Variants in STON2 observed in about 807,000 individuals in gnomAD.
STON2 encodes stonin-2.
A neutral mutation model predicts 65.7 loss-of-function variants in STON2; 29 were observed. The ratio of observed to expected loss-of-function variants is 0.44; its 90% CI spans 0.33 to 0.60. STON2 has a LOEUF of 0.60. STON2 is among the 20% of genes least tolerant of loss of function. The pLI is 0.03. For missense variants in STON2, 1,054 were observed against 1,118.1 expected (o/e 0.94, Z 0.82); for synonymous variants, 404 against 414.2 (o/e 0.98, Z 0.30).
At chr14:81,430,842 T>A (rs1902198249) in intron 1 of STON2, among the ~76,000 whole-genome samples, 1 of 152,318 alleles carries the variant, frequency 6.6e-6, no homozygotes, top group South Asian at 2.1e-4. Context: ...TGGGTAAATG[T>A]TATCCAGTGG....
intron 5 of STON2, among the ~76,000 whole-genome samples, chr14:81,310,901 C>T (rs999574580): frequency 2.0e-5 from 3 of 152,120 alleles, no homozygotes; most frequent in East Asian, 1.9e-4. Context: ...ATGCAAAGGC[C>T]TTTGACTTTT....
chr14:81,267,270 A>C lies in STON2; in HGVS notation c.*1144T>G. 2 of 985,412 alleles carry C rather than the reference A, an allele frequency of 2.0e-6. No individual in the cohort carries two copies. Among genetic ancestry groups the C allele is most frequent in the Non-Finnish European group, 2.4e-6 (2 of 829,936 alleles). The allele number at this position is 985,412 out of a possible 1,614,324, so 61.0% of individuals were successfully genotyped here. On this transcript the variant is annotated 3_prime_UTR_variant, in exon 8 of 8. Transcript: ENST00000614646. ...TTCTGACTCTTGGAATCAGAATATAATGTTCCCAACATTAGAAAAATATGG... is the reference window on the plus strand; with the variant it reads ...TTCTGACTCTTGGAATCAGAATATACTGTTCCCAACATTAGAAAAATATGG...
At chr14:81,327,343 A>G (rs112389879) in intron 4 of STON2, among the ~76,000 whole-genome samples, 4 of 152,124 alleles carry the variant, frequency 2.6e-5, no homozygotes, top group African/African-American at 9.6e-5. Context: ...CTTGCAATTT[A>G]CTTCTTGAAG....
intron 4 of STON2, among the ~76,000 whole-genome samples, chr14:81,364,610 G>A (rs945141475): frequency 4.6e-5 from 7 of 152,136 alleles, no homozygotes; most frequent in African/African-American, 1.7e-4. Flanking sequence ...GTATGTGTGT[G>A]TATACATATA....
At chr14:81,433,907 T>C (rs1226955631) in intron 1 of STON2, among the ~76,000 whole-genome samples, 4 of 152,214 alleles carry the variant, frequency 2.6e-5, no homozygotes, top group African/African-American at 7.2e-5. Context: ...AACAGTCCTT[T>C]TGATCACTTC....
At chr14:81,332,976 G>A (rs905036892) in intron 4 of STON2, 2 of 482,152 alleles carry the variant, frequency 4.1e-6, no homozygotes, top group Admixed American at 3.0e-5. Flanking sequence ...TCTTTTTAGC[G>A]ACACCAACTT....
chr14:81,303,039 G>A (rs1466497740), intron 5 of STON2, among the ~76,000 whole-genome samples: 1 of 147,430 alleles, frequency 6.8e-6, no homozygotes, highest in Non-Finnish European at 1.5e-5. Context: ...GGAGTTCAGT[G>A]AGGGTGTACA....
chr14:81,346,531 T>C (rs1464501488), intron 4 of STON2, among the ~76,000 whole-genome samples: 1 of 151,998 alleles, frequency 6.6e-6, no homozygotes, highest in East Asian at 1.9e-4. Context: ...AATTTGTTGT[T>C]AAGAAAAAAA....
chr14:81,315,614 C>A (rs1423407843), intron 5 of STON2, among the ~76,000 whole-genome samples: 1 of 152,274 alleles, frequency 6.6e-6, no homozygotes, highest in Non-Finnish European at 1.5e-5. Flanking sequence ...CCTCCTGCTC[C>A]CGCAGAGAAC....
chr14:81,415,785 G>A (rs1165063132), intron 2 of STON2, among the ~76,000 whole-genome samples: 3 of 151,560 alleles, frequency 2.0e-5, no homozygotes, highest in East Asian at 1.9e-4. Flanking sequence ...GTTTTAATTT[G>A]GTCCAATCAG....
chr14:81,430,546 G>C (rs761961050), intron 1 of STON2, among the ~76,000 whole-genome samples: 1 of 152,186 alleles, frequency 6.6e-6, no homozygotes, highest in Non-Finnish European at 1.5e-5. Flanking sequence ...GTCCAAGTTA[G>C]TAGGCAGCCA....
chr14:81,322,726 C>G (rs1000365727), intron 5 of STON2, among the ~76,000 whole-genome samples: 1 of 152,202 alleles, frequency 6.6e-6, no homozygotes, highest in South Asian at 2.1e-4. Context: ...CCAACTCATA[C>G]CCTCACTCAC....
intron 4 of STON2, among the ~76,000 whole-genome samples, chr14:81,325,796 T>C (rs942929970): frequency 6.6e-6 from 1 of 152,162 alleles, no homozygotes; most frequent in Non-Finnish European, 1.5e-5. Context: ...AAATACTGGA[T>C]TACCACTTTA....
chr14:81,390,380 C>G (rs1053786401), intron 3 of STON2, among the ~76,000 whole-genome samples: 18 of 152,102 alleles, frequency 1.2e-4, no homozygotes, highest in African/African-American at 4.3e-4. Flanking sequence ...CCACACCTAG[C>G]AGAACTATAC....
At chr14:81,392,228 G>C (rs1900112094) in intron 3 of STON2, among the ~76,000 whole-genome samples, 1 of 152,176 alleles carries the variant, frequency 6.6e-6, no homozygotes, top group Admixed American at 6.5e-5. Flanking sequence ...GGGGTTCCCA[G>C]AAAAACTCCA....
chr14:81,267,396 T>G lies in STON2; in HGVS notation c.*1018A>C. On this transcript the variant is annotated 3_prime_UTR_variant, in exon 8 of 8. Transcript: ENST00000614646. ...GGGAAAGCTCATTCAAGCTTAATTT[T>G]AAAACAGCTTTAAAAATTATCTTTG... 1.1e-5 allele frequency: 11 copies of G among 985,444 alleles called. No homozygotes were observed. The highest frequency in any genetic ancestry group is 1.3e-5 in the Non-Finnish European group (11 of 829,932). 61.0% of individuals were successfully genotyped at this position (985,444 alleles called of 1,614,324 possible).
chr14:81,277,282 A>T lies in STON2; in HGVS notation c.2200T>A (p.Phe734Ile), dbSNP rs376519843. The T allele has an allele frequency of 3.7e-6, 6 of 1,614,182 alleles. No individual in the cohort carries two copies. Among genetic ancestry groups the T allele is most frequent in the Non-Finnish European group, 5.1e-6 (6 of 1,180,028 alleles). Residue 734 changes from phenylalanine (F) to isoleucine (I), a missense_variant, in exon 6 of 8, where the codon TTC becomes ATC. Phe to Ile is a conservative substitution (Grantham distance 21). Transcript: ENST00000614646. ...LDACRFELMRFRTVFAEKTLP... is the reference protein window; with the variant it reads ...LDACRFELMRIRTVFAEKTLP... The stretch of plus-strand genomic sequence containing the variant: ...GTCTTCTCAGCAAACACTGTCCTGA[A>T]CCGCATTAGCTCAAACCGGCACGCA...
In STON2 at chr14:81,358,394, A is replaced by G. The variant is rs541078172; in HGVS notation, c.571+12594T>C. 5.3e-5 allele frequency among the ~76,000 whole-genome samples: 8 copies of G among 152,230 alleles called. No homozygotes were observed. In the East Asian group the frequency reaches 1.3e-3, roughly 26 times the overall value. On this transcript the variant is annotated intron_variant, in intron 4 of 7. Transcript: ENST00000614646. The stretch of plus-strand genomic sequence containing the variant: ...AGCCTCTTGGTGATCACAAAGCAAA[A>G]ATCTTTAGTAGAAGAGCAAAAGTAC...
At chr14:81,383,601 C>A (rs1002570517) in intron 3 of STON2, among the ~76,000 whole-genome samples, 4 of 152,158 alleles carry the variant, frequency 2.6e-5, no homozygotes, top group African/African-American at 7.2e-5. Flanking sequence ...GTCCTACCTT[C>A]AAAATACATC....
Sources: allele counts gnomAD v4.1 joint callset (sites outside exome capture counted in the v4.1 genomes callset), GRCh38; gene constraint gnomAD v4.1.1; transcripts MANE v1.5; gene names NCBI Gene and HGNC (gene_info 2026-07-23, HGNC 2026-07-21).